The following CNTNAP2 variants were observed in gnomAD, a reference collection of about 807,000 sequenced individuals.
CNTNAP2 encodes contactin associated protein 2.
Under a neutral mutation model 155.2 loss-of-function variants are expected in CNTNAP2, and 98 were observed. The observed-to-expected ratio is 0.63, with a 90% confidence interval of 0.54 to 0.75. The LOEUF (loss-of-function observed/expected upper bound fraction) is 0.75. Ranked by LOEUF, CNTNAP2 falls within the 30% of genes least tolerant of loss-of-function variation. CNTNAP2 has a pLI of 0.00. For synonymous variants in CNTNAP2, 651 were observed against 631.2 expected, an observed-to-expected ratio of 1.03 and a Z score of -0.47; for missense variants, 1,727 against 1,688.1, an observed-to-expected ratio of 1.02 and a Z score of -0.40.
intron 13 of CNTNAP2, among the ~76,000 whole-genome samples, chr7:147,879,524 A>G (rs188624091): frequency 7.2e-5 from 11 of 152,304 alleles, no homozygotes; most frequent in African/African-American, 2.6e-4. Context: ...GGGCAGGCAC[A>G]GTCCTGCAAT....
At chr7:146,447,716 T>C (rs2129121478) in intron 1 of CNTNAP2, among the ~76,000 whole-genome samples, 1 of 152,024 alleles carries the variant, frequency 6.6e-6, no homozygotes, top group Middle Eastern at 3.4e-3. Flanking sequence ...ATCACAGAAG[T>C]ATTTATTTTA....
chr7:147,990,564 T>TC (rs1316822417), intron 15 of CNTNAP2, among the ~76,000 whole-genome samples: 4 of 152,024 alleles, frequency 2.6e-5, no homozygotes, highest in Non-Finnish European at 5.9e-5. Context: ...CTGGCATGTC[T>TC]CTGGCTGGGG....
chr7:148,014,202 A>G (rs1258854031), intron 15 of CNTNAP2: 1 of 151,372 alleles, frequency 6.6e-6, no homozygotes, highest in Non-Finnish European at 1.5e-5. Flanking sequence ...CCAGCTGGCG[A>G]CCACCCAGTA....
At chr7:147,298,392 C>G (rs1387146584) in intron 8 of CNTNAP2, among the ~76,000 whole-genome samples, 1 of 151,880 alleles carries the variant, frequency 6.6e-6, no homozygotes, top group Non-Finnish European at 1.5e-5. Context: ...TCATTGCACT[C>G]CAGCCTAGGA....
chr7:147,311,091 G>T (rs544987786), intron 9 of CNTNAP2, among the ~76,000 whole-genome samples: 3 of 152,250 alleles, frequency 2.0e-5, no homozygotes, highest in Admixed American at 6.5e-5. Context: ...GCTCTCAAGG[G>T]CGGGGAGTTC....
intron 14 of CNTNAP2, chr7:147,940,390 A>G (rs1800698031): frequency 1.3e-5 from 2 of 151,772 alleles, no homozygotes; most frequent in Admixed American, 1.3e-4. Flanking sequence ...TTATCGCCAC[A>G]GGAGGAAAAA....
intron 1 of CNTNAP2, among the ~76,000 whole-genome samples, chr7:146,368,759 A>C (rs887507817): frequency 4.0e-5 from 6 of 151,816 alleles, no homozygotes; most frequent in Non-Finnish European, 7.4e-5. Flanking sequence ...GCATTTACCT[A>C]GAACAAGAAT....
At chr7:146,801,473 T>C (rs1366601532) in intron 2 of CNTNAP2, among the ~76,000 whole-genome samples, 3 of 152,218 alleles carry the variant, frequency 2.0e-5, no homozygotes, top group Admixed American at 6.5e-5. Flanking sequence ...CATGGAATTA[T>C]TAAACTTTCT....
chr7:147,564,688 AGG>A (rs1800133524), intron 12 of CNTNAP2, among the ~76,000 whole-genome samples: 5 of 152,242 alleles, frequency 3.3e-5, no homozygotes, highest in Non-Finnish European at 7.3e-5. Context: ...GTCTACTCTC[AGG>A]AGAGCTTCTC....
chr7:146,967,174 T>A (rs1043816176), intron 3 of CNTNAP2, among the ~76,000 whole-genome samples: 4 of 152,226 alleles, frequency 2.6e-5, no homozygotes, highest in African/African-American at 9.6e-5. Flanking sequence ...AATTGTTGAA[T>A]AACTTAAAGA....
chr7:146,975,557 G>A (rs1466398699), intron 3 of CNTNAP2, among the ~76,000 whole-genome samples: 1 of 152,146 alleles, frequency 6.6e-6, no homozygotes, highest in Non-Finnish European at 1.5e-5. Flanking sequence ...GTGCAGGCGT[G>A]AAGTATAGTC....
chr7:146,652,300 A>G (rs960232877), intron 1 of CNTNAP2, among the ~76,000 whole-genome samples: 20 of 152,184 alleles, frequency 1.3e-4, no homozygotes, highest in African/African-American at 4.6e-4. Flanking sequence ...CAATGAATTT[A>G]TCAAGGACAT....
At chr7:147,564,166 AT>A (rs1161651971) in intron 12 of CNTNAP2, among the ~76,000 whole-genome samples, 9 of 151,480 alleles carry the variant, frequency 5.9e-5, no homozygotes, top group East Asian at 3.9e-4. Context: ...ACCTGTCTCA[AT>A]TTTTTTTTCA....
At chr7:148,130,270 T>A (rs950748746) in intron 16 of CNTNAP2, among the ~76,000 whole-genome samples, 35 of 152,260 alleles carry the variant, frequency 2.3e-4, no homozygotes, top group Admixed American at 1.3e-4. Context: ...GAAATGCTAT[T>A]CTTCCTGTAA....
intron 13 of CNTNAP2, among the ~76,000 whole-genome samples, chr7:147,692,493 T>C (rs1796101700): frequency 6.6e-6 from 1 of 152,118 alleles, no homozygotes; most frequent in African/African-American, 2.4e-5. Context: ...AGAGCTGTCA[T>C]TGCTTCACAT....
chr7:146,999,822 G>T (rs1798388006), intron 3 of CNTNAP2, among the ~76,000 whole-genome samples: 1 of 151,784 alleles, frequency 6.6e-6, no homozygotes, highest in Admixed American at 6.6e-5. Context: ...TTTTTTCTTT[G>T]ATTTTGACAG....
intron 8 of CNTNAP2, among the ~76,000 whole-genome samples, chr7:147,231,680 T>C (rs1249453014): frequency 6.6e-6 from 1 of 152,208 alleles, no homozygotes; most frequent in African/African-American, 2.4e-5. Context: ...TTCTGATGAT[T>C]AGTGATGCTG....
chr7:146,176,722 C>T (rs576699566), intron 1 of CNTNAP2, among the ~76,000 whole-genome samples: 9 of 152,074 alleles, frequency 5.9e-5, no homozygotes, highest in Admixed American at 2.6e-4. Context: ...TCCGTGAACC[C>T]GACATTCTGA....
chr7:147,808,966 A>AGTTGAGTTTTT (rs1798137523), intron 13 of CNTNAP2, among the ~76,000 whole-genome samples: 1 of 152,172 alleles, frequency 6.6e-6, no homozygotes, highest in Non-Finnish European at 1.5e-5. Flanking sequence ...ACATAGAATA[A>AGTTGAGTTTTT]GTTGAGTTTT....
Sources: gnomAD v4.1 joint callset for allele counts (sites outside exome capture counted in the v4.1 genomes callset) on GRCh38, gnomAD v4.1.1 for gene constraint, MANE v1.5 for transcripts, NCBI Gene and HGNC (gene_info 2026-07-23, HGNC 2026-07-21) for gene names.